IL1RAPL1: variants seen among roughly 807,000 people sequenced by gnomAD.
IL1RAPL1 encodes interleukin-1 receptor accessory protein-like 1.
A neutral mutation model predicts 48.4 loss-of-function variants in IL1RAPL1; 3 were observed. The ratio of observed to expected loss-of-function variants is 0.06; its 90% CI spans 0.03 to 0.16. The LOEUF (loss-of-function observed/expected upper bound fraction) is 0.16, where lower values mean the gene tolerates loss of function less well. Among genes scored for constraint, IL1RAPL1 ranks in the 10% least tolerant of loss-of-function variants. The pLI is 1.00. For synonymous variants in IL1RAPL1, 185 were observed against 187.7 expected (o/e 0.99, Z 0.12); for missense variants, 349 against 530.6 (o/e 0.66, Z 3.36).
intron 2 of IL1RAPL1, among the ~76,000 whole-genome samples, chrX:29,142,582 G>A (rs1392372487): frequency 8.9e-6 from 1 of 112,037 alleles, no homozygotes. Flanking sequence ...TTTAATAATT[G>A]TTCTAGGGTT....
At chrX:28,859,630 C>T (rs895007721) in intron 2 of IL1RAPL1, among the ~76,000 whole-genome samples, 13 of 109,456 alleles carry the variant, frequency 1.2e-4, no homozygotes, top group East Asian at 8.6e-4. Flanking sequence ...TTACTTAAGA[C>T]GTTGTAATAT....
chrX:29,189,141 C>T (rs1046474996), intron 2 of IL1RAPL1, among the ~76,000 whole-genome samples: 1 of 111,826 alleles, frequency 8.9e-6, no homozygotes, highest in African/African-American at 3.2e-5. Context: ...CTTTACAGAA[C>T]GTCTTCAGTG....
intron 2 of IL1RAPL1, among the ~76,000 whole-genome samples, chrX:28,977,809 T>C (rs1925240287): frequency 9.0e-6 from 1 of 111,399 alleles, no homozygotes; most frequent in Middle Eastern, 4.2e-3. Context: ...ATACAAAAAT[T>C]AGCTGTGCAT....
intron 8 of IL1RAPL1, among the ~76,000 whole-genome samples, chrX:29,932,002 T>C (rs148082131): frequency 1.6e-3 from 181 of 112,532 alleles, no homozygotes; most frequent in African/African-American, 5.1e-3. Context: ...TCAGTGAAGT[T>C]TGACACCTTG....
intron 6 of IL1RAPL1, among the ~76,000 whole-genome samples, chrX:29,916,781 A>G (rs756090379): frequency 8.9e-6 from 1 of 112,143 alleles, no homozygotes; most frequent in African/African-American, 3.2e-5. Context: ...ACCAATCTGT[A>G]TTCACCACTA....
chrX:28,666,002 G>GCCCACACAGA (rs1319307911), intron 1 of IL1RAPL1, among the ~76,000 whole-genome samples: 4 of 111,874 alleles, frequency 3.6e-5, no homozygotes, highest in South Asian at 7.4e-4. Context: ...GCCCACGCAG[G>GCCCACACAGA]CCCACACAGA....
intron 5 of IL1RAPL1, among the ~76,000 whole-genome samples, chrX:29,509,015 G>A (rs1414249025): frequency 1.1e-4 from 12 of 111,803 alleles, no homozygotes; most frequent in Non-Finnish European, 2.3e-4. Context: ...CCAGTCACTT[G>A]GTTCATATCC....
chrX:28,692,438 C>A (rs1386404561), intron 1 of IL1RAPL1, among the ~76,000 whole-genome samples: 1 of 111,463 alleles, frequency 9.0e-6, no homozygotes, highest in Non-Finnish European at 1.9e-5. Flanking sequence ...GCACTCTGGG[C>A]TATTGCAATG....
chrX:28,952,099 A>G (rs1203165655), intron 2 of IL1RAPL1, among the ~76,000 whole-genome samples: 1 of 111,194 alleles, frequency 9.0e-6, no homozygotes, highest in Non-Finnish European at 1.9e-5. Context: ...GAATTTCCCC[A>G]TACACACTTT....
intron 2 of IL1RAPL1, among the ~76,000 whole-genome samples, chrX:28,946,309 TTGTG>T (rs1463141977): frequency 9.6e-6 from 1 of 103,843 alleles, no homozygotes; most frequent in African/African-American, 3.4e-5. Flanking sequence ...GCAAAACTCT[TTGTG>T]TGTGGTAGTT....
chrX:28,941,317 A>C (rs1227972193), intron 2 of IL1RAPL1, among the ~76,000 whole-genome samples: 1 of 111,463 alleles, frequency 9.0e-6, no homozygotes, highest in African/African-American at 3.2e-5. Flanking sequence ...TTTTTGACTT[A>C]TCTCTCTTGT....
chrX:28,771,974 G>T (rs183256284), intron 1 of IL1RAPL1, among the ~76,000 whole-genome samples: 5,082 of 105,891 alleles, frequency 0.048, 219 homozygotes, highest in African/African-American at 0.13. Context: ...AAAGAAAATT[G>T]CTAGAGACAA....
At chrX:29,742,439 CAG>C (rs1298543046) in intron 6 of IL1RAPL1, among the ~76,000 whole-genome samples, 1 of 109,471 alleles carries the variant, frequency 9.1e-6, no homozygotes, top group African/African-American at 3.3e-5. Context: ...GAGCTAAGGT[CAG>C]AATTAGATTC....
At chrX:29,584,800 C>T (rs765278245) in intron 5 of IL1RAPL1, among the ~76,000 whole-genome samples, 4 of 111,864 alleles carry the variant, frequency 3.6e-5, no homozygotes, top group East Asian at 2.8e-4. Flanking sequence ...GCTATCATCC[C>T]GCCTTGGCCT....
intron 5 of IL1RAPL1, among the ~76,000 whole-genome samples, chrX:29,527,957 G>A (rs541103588): frequency 4.5e-5 from 5 of 111,795 alleles, no homozygotes; most frequent in South Asian, 3.7e-4. Context: ...CTATTTTGAG[G>A]TACAGTTCTC....
At chrX:29,456,632 G>A (rs1361534142) in intron 5 of IL1RAPL1, among the ~76,000 whole-genome samples, 1 of 110,920 alleles carries the variant, frequency 9.0e-6, no homozygotes, top group African/African-American at 3.3e-5. Context: ...TCTCATGGTC[G>A]CCAGATTGAA....
intron 6 of IL1RAPL1, among the ~76,000 whole-genome samples, chrX:29,868,490 A>G (rs1931739392): frequency 8.9e-6 from 1 of 112,084 alleles, no homozygotes; most frequent in Non-Finnish European, 1.9e-5. Context: ...TCCAACCACC[A>G]TTCTCTCTGG....
At chrX:29,000,206 G>A (rs770115866) in intron 2 of IL1RAPL1, among the ~76,000 whole-genome samples, 2 of 111,755 alleles carry the variant, frequency 1.8e-5, no homozygotes, top group Non-Finnish European at 3.8e-5. Flanking sequence ...ACCGGATACT[G>A]CATGGCATCC....
At chrX:29,608,750 T>C (rs56901036) in intron 5 of IL1RAPL1, among the ~76,000 whole-genome samples, 25,588 of 95,764 alleles carry the variant, frequency 0.27, 4,240 homozygotes, top group African/African-American at 0.4. Flanking sequence ...GGTGTGAACC[T>C]GGGAGGCGGA....
Sources: gnomAD v4.1 joint callset for allele counts (sites outside exome capture counted in the v4.1 genomes callset) on GRCh38, gnomAD v4.1.1 for gene constraint, MANE v1.5 for transcripts, NCBI Gene and HGNC (gene_info 2026-07-23, HGNC 2026-07-21) for gene names.